Variants in ANKRD10 observed in about 807,000 individuals in gnomAD.
ANKRD10 encodes the protein ankyrin repeat domain-containing protein 10.
Under a neutral mutation model 27.0 loss-of-function variants are expected in ANKRD10, and 14 were observed. The ratio of observed to expected loss-of-function variants is 0.52; its 90% confidence interval spans 0.34 to 0.81. ANKRD10 has a LOEUF of 0.81. Among genes scored for constraint, ANKRD10 ranks in the 40% least tolerant of loss-of-function variants. The pLI, the probability that ANKRD10 is intolerant of heterozygous loss-of-function variation, is 0.01. For synonymous variants in ANKRD10, 250 were observed against 224.5 expected (o/e 1.11, Z -1.01); for missense variants, 493 against 544.0 (o/e 0.91, Z 0.93).
At chr13:110,902,822 C>T (rs755024559) in intron 3 of ANKRD10, among the ~76,000 whole-genome samples, 4 of 152,104 alleles carry the variant, frequency 2.6e-5, no homozygotes, top group Admixed American at 2.0e-4. Context: ...CATTCTAAAT[C>T]TTTTTATTTC....
At chr13:110,901,384 A>G (rs1319856918) in intron 3 of ANKRD10, among the ~76,000 whole-genome samples, 1 of 152,254 alleles carries the variant, frequency 6.6e-6, no homozygotes, top group Non-Finnish European at 1.5e-5. Flanking sequence ...AACCAAAATT[A>G]TGTTTTCAAA....
chr13:110,909,000 G>T (rs1272146399), intron 2 of ANKRD10, among the ~76,000 whole-genome samples: 1 of 152,116 alleles, frequency 6.6e-6, no homozygotes, highest in African/African-American at 2.4e-5. Flanking sequence ...TTTCCAGGAG[G>T]TGTTATCTAG....
intron 5 of ANKRD10, among the ~76,000 whole-genome samples, chr13:110,882,668 A>G (rs978830480): frequency 2.6e-5 from 4 of 152,226 alleles, no homozygotes; most frequent in African/African-American, 9.7e-5. Flanking sequence ...CTGACTACAG[A>G]AAACCTATTA....
intron 3 of ANKRD10, among the ~76,000 whole-genome samples, chr13:110,900,216 C>T (rs2138860552): frequency 6.6e-6 from 1 of 152,294 alleles, no homozygotes; most frequent in South Asian, 2.1e-4. Flanking sequence ...AAAGGAGAAG[C>T]CATTCTGATG....
intron 3 of ANKRD10, chr13:110,900,858 ACT>A (rs2065362873): frequency 5.4e-6 from 2 of 372,960 alleles, no homozygotes; most frequent in East Asian, 1.6e-4. Flanking sequence ...GCAGAAGCAC[ACT>A]GAGCTTAAGC....
intron 4 of ANKRD10, among the ~76,000 whole-genome samples, chr13:110,888,363 C>G (rs1401956094): frequency 6.6e-6 from 1 of 151,940 alleles, no homozygotes; most frequent in Non-Finnish European, 1.5e-5. Flanking sequence ...GTAATTCAGA[C>G]TGTATTTCAA....
chr13:110,887,101 C>T (rs2064951406), intron 4 of ANKRD10, among the ~76,000 whole-genome samples: 1 of 152,188 alleles, frequency 6.6e-6, no homozygotes, highest in Non-Finnish European at 1.5e-5. Flanking sequence ...GTAGAGCACG[C>T]CTCTGGCTGA....
chr13:110,893,104 A>G lies in ANKRD10; in HGVS notation c.615T>C (p.His205=), dbSNP rs780249176. ...NGGHQNVFPN[H]ISVGTNRKRC... ...TCTTTCGATTTGTTCCCACACTAAT[A>G]TGATTAGGAAATACATTCTGATGAC... Residue 205 remains histidine (H), a synonymous_variant, in exon 4 of 6, where the codon CAT becomes CAC. Transcript: ENST00000267339. 14 of 1,614,234 alleles carry G rather than the reference A, an allele frequency of 8.7e-6. No homozygotes were observed. The highest frequency in any genetic ancestry group is 4.4e-5 in the South Asian group (4 of 91,090).
chr13:110,908,021 A>G (rs1171394694), intron 2 of ANKRD10, among the ~76,000 whole-genome samples: 1 of 152,174 alleles, frequency 6.6e-6, no homozygotes, highest in Non-Finnish European at 1.5e-5. Flanking sequence ...AGCAAACACT[A>G]GAGAAAGGCC....
chr13:110,908,789 T>C (rs546775976), intron 2 of ANKRD10, among the ~76,000 whole-genome samples: 81 of 152,308 alleles, frequency 5.3e-4, no homozygotes, highest in African/African-American at 1.8e-3. Context: ...CAGATTCGGA[T>C]GTAAACTCCA....
At chr13:110,914,552 G>A (rs2065829111) in intron 1 of ANKRD10, 173 bp downstream of exon 1, 2 of 918,226 alleles carry the variant, frequency 2.2e-6, no homozygotes, top group African/African-American at 1.7e-5. Flanking sequence ...CGCGACTCCG[G>A]GCCGCGAGCG....
rs373112151 is a variant in ANKRD10, at chr13:110,906,121, A to G, written c.367T>C (p.Cys123Arg). ...QAGANINKPDCEGETPIHKAA... is the reference protein window; with the variant it reads ...QAGANINKPDREGETPIHKAA... The stretch of plus-strand genomic sequence containing the variant: ...TTGTGAATGGGAGTTTCACCCTCAC[A>G]ATCCTGAAACAACAAAAAGCAAAAT... The change falls in exon 3 of 6, where the codon TGT (cysteine) becomes CGT (arginine). Residue 123 changes from cysteine (C) to arginine (R), a missense_variant. Coordinates refer to ENST00000267339, the MANE Select transcript of ANKRD10 (RefSeq NM_017664.4). 1.9e-6 allele frequency: 3 copies of G among 1,596,208 alleles called. No individual in the cohort carries two copies. The highest frequency in any genetic ancestry group is 2.6e-6 in the Non-Finnish European group (3 of 1,170,706).
chr13:110,906,268 A>G (rs760377741), intron 2 of ANKRD10, 144 bp from the exon 3 acceptor site: 25 of 652,536 alleles, frequency 3.8e-5, no homozygotes, highest in Non-Finnish European at 5.9e-5. Flanking sequence ...CAGAACACAA[A>G]GAAATCTATA....
chr13:110,899,111 G>C (rs565033331), intron 3 of ANKRD10: 64 of 152,176 alleles, frequency 4.2e-4, no homozygotes, highest in African/African-American at 1.5e-3. Context: ...TATTGACTTA[G>C]TGTATTACAT....
At chr13:110,911,079 G>A (rs1326276807) in intron 1 of ANKRD10, among the ~76,000 whole-genome samples, 1 of 152,216 alleles carries the variant, frequency 6.6e-6, no homozygotes, top group African/African-American at 2.4e-5. Flanking sequence ...GGACTGCGCT[G>A]TTCCAAGACT....
intron 3 of ANKRD10, chr13:110,900,709 CAT>C (rs759956975): frequency 1.6e-5 from 22 of 1,345,720 alleles, no homozygotes; most frequent in East Asian, 4.6e-5. Flanking sequence ...AAAACATTGA[CAT>C]GTGTAGTTTT....
rs2064775111 is a variant in ANKRD10 at position 110,879,712 on chromosome 13, A to G, written c.1188T>C (p.His396=). The G allele has an allele frequency of 6.2e-7, 1 of 1,614,202 alleles. No individual in the cohort carries two copies. Among genetic ancestry groups the G allele is most frequent in the Non-Finnish European group, 8.5e-7 (1 of 1,180,040 alleles). ...SIPELNSVVE[H]SKSVKVQERY... ...GCTCCTGCACCTTCACGGACTTGGAATGCTCGACCACACTGTTCAGTTCTG... is the reference window on the plus strand; with the variant it reads ...GCTCCTGCACCTTCACGGACTTGGAGTGCTCGACCACACTGTTCAGTTCTG... Residue 396 remains histidine, a synonymous_variant, in exon 6 of 6, where the codon CAT becomes CAC. Transcript: ENST00000267339.
intron 3 of ANKRD10, among the ~76,000 whole-genome samples, chr13:110,899,350 C>T (rs1207102619): frequency 2.0e-5 from 3 of 152,152 alleles, no homozygotes; most frequent in African/African-American, 7.2e-5. Flanking sequence ...CTTAGCATCC[C>T]CAGTTTGATG....
At chr13:110,884,122 TCAG>T (rs1470623815) in intron 4 of ANKRD10, among the ~76,000 whole-genome samples, 1 of 139,892 alleles carries the variant, frequency 7.1e-6, no homozygotes, top group South Asian at 2.2e-4. Flanking sequence ...ATTTTCAAAT[TCAG>T]CAGATTTTTT....
Sources: allele counts gnomAD v4.1 joint callset (sites outside exome capture counted in the v4.1 genomes callset), GRCh38; gene constraint gnomAD v4.1.1; transcripts MANE v1.5; gene names NCBI Gene and HGNC (gene_info 2026-07-23, HGNC 2026-07-21).